The following DNAH5 variants were observed in gnomAD, a reference collection of about 807,000 sequenced individuals.
The protein encoded by DNAH5 is axonemal beta dynein heavy chain 5.
DNAH5 carries 372 observed loss-of-function variants against 518.2 expected under a neutral mutation model. That is an observed-to-expected ratio of 0.72 (90% CI 0.66 to 0.78). DNAH5 has a LOEUF of 0.78. Ranked by LOEUF, DNAH5 falls within the 30% of genes least tolerant of loss-of-function variation. The pLI is 0.00. For missense variants in DNAH5, 5,523 were observed against 5,687.0 expected, an observed-to-expected ratio of 0.97 and a Z score of 0.93; for synonymous variants, 2,039 against 2,025.9, an observed-to-expected ratio of 1.01 and a Z score of -0.17.
Position 13,762,839 on chromosome 5 carries a change from C to T in DNAH5, c.10164G>A (p.Met3388Ile), listed in dbSNP as rs1164638725. 6.2e-7 allele frequency: 1 copy of T among 1,614,044 alleles called. No homozygotes were observed. Among genetic ancestry groups the T allele is most frequent in the Admixed American group, 1.7e-5 (1 of 60,018 alleles). Reference protein sequence around the residue: ...VIEFLSPYFEMPDYNIETAKR... With the variant: ...VIEFLSPYFEIPDYNIETAKR... ...TAGCAGTTTCGATGTTATAGTCAGG[C>T]ATTTCAAAGTAAGGACTCAAAAATT... The change falls in exon 60 of 79, where the codon ATG becomes ATA. Residue 3388 changes from methionine (M) to isoleucine (I), a missense_variant. By Grantham distance (10) the Met-to-Ile change is conservative. Coordinates refer to ENST00000265104, the MANE Select transcript of DNAH5 (RefSeq NM_001369.3).
chr5:13,818,783 C>T (rs894331848), intron 41 of DNAH5, among the ~76,000 whole-genome samples: 2 of 152,180 alleles, frequency 1.3e-5, no homozygotes, highest in African/African-American at 4.8e-5. Flanking sequence ...ATATTAAAGA[C>T]ACTTGATGAG....
chr5:13,785,432 A>G (rs1013683562), intron 52 of DNAH5, among the ~76,000 whole-genome samples: 29 of 152,172 alleles, frequency 1.9e-4, no homozygotes, highest in Non-Finnish European at 4.3e-4. Flanking sequence ...TTCATGGTGG[A>G]TTTCATTCTA....
intron 12 of DNAH5, among the ~76,000 whole-genome samples, chr5:13,905,650 C>G (rs1480111990): frequency 1.3e-5 from 2 of 152,096 alleles, no homozygotes; most frequent in Non-Finnish European, 2.9e-5. Flanking sequence ...GCAACAAGAA[C>G]TCTACTCTAA....
At chr5:13,737,946 C>T (rs1259509893) in intron 65 of DNAH5, among the ~76,000 whole-genome samples, 2 of 151,944 alleles carry the variant, frequency 1.3e-5, no homozygotes, top group Non-Finnish European at 2.9e-5. Flanking sequence ...GCCTGTAGTC[C>T]CAGCTGCTTG....
Position 14,001,509 on chromosome 5 carries a change from G to A in DNAH5, c.12+10139C>T, listed in dbSNP as rs553497546. Among the ~76,000 whole-genome samples the A allele has an allele frequency of 1.0e-3, 156 of 151,678 alleles. 3 individuals are homozygous for A. In the East Asian group the frequency reaches 0.02, roughly 19 times the overall value. On this transcript the variant is annotated intron_variant, in intron 1 of 78. Transcript: ENST00000681290. The stretch of plus-strand genomic sequence containing the variant: ...CTCCTGAGTAGCTGGGACTACAGGC[G>A]CCCGCCACCACACCCAGCTAATTTT...
chr5:13,737,664 C>T (rs1055600412), intron 65 of DNAH5, among the ~76,000 whole-genome samples, 169 bp from the exon 66 acceptor site: 10 of 152,128 alleles, frequency 6.6e-5, no homozygotes, highest in African/African-American at 2.4e-4. Context: ...GGGGCTCACA[C>T]CTGTAATCCC....
chr5:13,804,273 AAAGTGACAGTCCCCTC>A (rs1335006155), intron 47 of DNAH5, among the ~76,000 whole-genome samples: 6 of 152,342 alleles, frequency 3.9e-5, no homozygotes, highest in Admixed American at 6.5e-5. Context: ...TCCGAGGCAA[AAAGTGACAGTCCCCTC>A]TACTGATGAA....
intron 70 of DNAH5, among the ~76,000 whole-genome samples, 194 bp downstream of exon 70, chr5:13,727,313 A>G (rs1431942127): frequency 1.3e-5 from 2 of 152,114 alleles, no homozygotes; most frequent in Non-Finnish European, 2.9e-5. Flanking sequence ...TTACTAAATC[A>G]CTTAGCCCAA....
chr5:13,775,680 G>T (rs779257083), intron 55 of DNAH5, among the ~76,000 whole-genome samples: 4 of 151,984 alleles, frequency 2.6e-5, no homozygotes, highest in Non-Finnish European at 5.9e-5. Context: ...TCTCAGATGG[G>T]GTACCACAGA....
chr5:13,742,874 A>C (rs1406450475), intron 65 of DNAH5, among the ~76,000 whole-genome samples: 1 of 152,070 alleles, frequency 6.6e-6, no homozygotes, highest in African/African-American at 2.4e-5. Flanking sequence ...AAGTGGCCAA[A>C]TACTTGGGCT....
chr5:13,892,198 A>C (rs1021847633), intron 16 of DNAH5, among the ~76,000 whole-genome samples: 4 of 152,208 alleles, frequency 2.6e-5, no homozygotes, highest in African/African-American at 9.7e-5. Context: ...GAGAGCCAAC[A>C]CTTTCACTTA....
At chr5:13,755,620 C>G (rs894559905) in intron 61 of DNAH5, among the ~76,000 whole-genome samples, 3 of 152,120 alleles carry the variant, frequency 2.0e-5, no homozygotes, top group African/African-American at 7.2e-5. Context: ...CCACTTCGTC[C>G]TAATCTATTT....
intron 1 of DNAH5, among the ~76,000 whole-genome samples, chr5:13,982,254 C>A (rs1026822043): frequency 6.6e-6 from 1 of 152,262 alleles, no homozygotes; most frequent in Non-Finnish European, 1.5e-5. Context: ...ATTTGTTACA[C>A]CCTCATGCCC....
At chr5:13,766,926 T>C (rs1752586902) in intron 58 of DNAH5, among the ~76,000 whole-genome samples, 1 of 152,196 alleles carries the variant, frequency 6.6e-6, no homozygotes, top group Non-Finnish European at 1.5e-5. Context: ...TAGTATATAT[T>C]CCTTCCTTCC....
chr5:13,708,509 A>G (rs1743092066), intron 75 of DNAH5, among the ~76,000 whole-genome samples, 174 bp from the exon 76 acceptor site: 1 of 152,186 alleles, frequency 6.6e-6, no homozygotes, highest in African/African-American at 2.4e-5. Context: ...AGAAAAAAGT[A>G]TCTGTTAGAT....
intron 35 of DNAH5, among the ~76,000 whole-genome samples, chr5:13,833,035 T>C (rs1202026984): frequency 1.3e-5 from 2 of 152,062 alleles, no homozygotes; most frequent in Non-Finnish European, 2.9e-5. Flanking sequence ...GCAGAGTACA[T>C]TTCTTCCTTG....
At chr5:13,929,742 C>G (rs921112125) in intron 2 of DNAH5, among the ~76,000 whole-genome samples, 1 of 152,130 alleles carries the variant, frequency 6.6e-6, no homozygotes, top group Non-Finnish European at 1.5e-5. Context: ...CTTTAAACCT[C>G]CAGGTTCTGA....
chr5:13,859,989 G>A (rs536912376), intron 29 of DNAH5, among the ~76,000 whole-genome samples: 50 of 152,178 alleles, frequency 3.3e-4, no homozygotes, highest in African/African-American at 1.2e-3. Context: ...CATATAATAT[G>A]GAGCTTTTAT....
At chr5:13,982,606 G>T (rs576250270) in intron 1 of DNAH5, among the ~76,000 whole-genome samples, 272 of 148,044 alleles carry the variant, frequency 1.8e-3, no homozygotes, top group African/African-American at 6.9e-3. Flanking sequence ...ATGCACTATT[G>T]CATGAGTGAG....
Sources: allele counts gnomAD v4.1 joint callset (sites outside exome capture counted in the v4.1 genomes callset), GRCh38; gene constraint gnomAD v4.1.1; transcripts MANE v1.5; gene names NCBI Gene and HGNC (gene_info 2026-07-23, HGNC 2026-07-21).